Variants in CNTNAP2 observed in about 807,000 individuals in gnomAD.
The protein encoded by CNTNAP2 is contactin associated protein 2.
A neutral mutation model predicts 155.2 loss-of-function variants in CNTNAP2; 98 were observed. The ratio of observed to expected loss-of-function variants is 0.63; its 90% CI spans 0.54 to 0.75. The LOEUF is 0.75. CNTNAP2 is among the 30% of genes least tolerant of loss of function. The pLI, the probability that CNTNAP2 is intolerant of heterozygous loss-of-function variation, is 0.00. For missense variants in CNTNAP2, 1,727 were observed against 1,688.1 expected (o/e 1.02, Z -0.40); for synonymous variants, 651 against 631.2 (o/e 1.03, Z -0.47).
intron 1 of CNTNAP2, among the ~76,000 whole-genome samples, chr7:146,154,340 C>T (rs1361439431): frequency 6.6e-6 from 1 of 152,124 alleles, no homozygotes; most frequent in Non-Finnish European, 1.5e-5. Context: ...GCAAGACTTG[C>T]TATACCTAAT....
intron 1 of CNTNAP2, among the ~76,000 whole-genome samples, chr7:146,734,615 G>T (rs937074331): frequency 1.3e-5 from 2 of 152,104 alleles, no homozygotes; most frequent in East Asian, 3.9e-4. Flanking sequence ...TTAAAATGTG[G>T]TATGGTCTAA....
intron 4 of CNTNAP2, among the ~76,000 whole-genome samples, chr7:147,075,766 T>C (rs943196028): frequency 6.6e-6 from 1 of 152,134 alleles, no homozygotes; most frequent in African/African-American, 2.4e-5. Flanking sequence ...TATCTCCTAA[T>C]GCTATCCCTC....
chr7:146,203,372 A>G (rs1215832374), intron 1 of CNTNAP2, among the ~76,000 whole-genome samples: 2 of 152,198 alleles, frequency 1.3e-5, no homozygotes, highest in Admixed American at 1.3e-4. Context: ...AATTTATTAG[A>G]GCTGCTTACA....
At chr7:147,955,074 C>T (rs1231308829) in intron 14 of CNTNAP2, among the ~76,000 whole-genome samples, 1 of 152,182 alleles carries the variant, frequency 6.6e-6, no homozygotes, top group African/African-American at 2.4e-5. Flanking sequence ...GCAGAAAAGG[C>T]TTTCCAAGTT....
chr7:146,624,093 G>C (rs1042576061), intron 1 of CNTNAP2, among the ~76,000 whole-genome samples: 7 of 151,830 alleles, frequency 4.6e-5, no homozygotes, highest in African/African-American at 1.5e-4. Flanking sequence ...TTAATAAATA[G>C]CCCAATTTAG....
chr7:146,932,102 C>T (rs529724987), intron 3 of CNTNAP2, among the ~76,000 whole-genome samples: 1,535 of 151,960 alleles, frequency 0.01, 12 homozygotes, highest in South Asian at 0.02. Context: ...CCAGCATCAT[C>T]CTGATACCAA....
chr7:146,570,775 A>G (rs530600511), intron 1 of CNTNAP2, among the ~76,000 whole-genome samples: 3 of 152,140 alleles, frequency 2.0e-5, no homozygotes, highest in Admixed American at 2.0e-4. Context: ...AACAAAATGT[A>G]ATTTCCTATC....
At chr7:147,069,767 A>G (rs1424851542) in intron 4 of CNTNAP2, among the ~76,000 whole-genome samples, 2 of 152,220 alleles carry the variant, frequency 1.3e-5, no homozygotes, top group African/African-American at 2.4e-5. Context: ...GAGTTGTCCA[A>G]TAGAATTTTC....
intron 10 of CNTNAP2, among the ~76,000 whole-genome samples, chr7:147,472,434 A>C (rs1289976406): frequency 6.6e-6 from 1 of 151,800 alleles, no homozygotes; most frequent in African/African-American, 2.4e-5. Context: ...GCTGGTCTCA[A>C]ACTCCTGACT....
chr7:146,849,962 G>A (rs1381110083), intron 3 of CNTNAP2, among the ~76,000 whole-genome samples: 4 of 152,160 alleles, frequency 2.6e-5, no homozygotes, highest in African/African-American at 7.2e-5. Flanking sequence ...ACACCGTGAA[G>A]ATACCCATTC....
At chr7:147,637,564 C>T (rs1795201736) in intron 12 of CNTNAP2, among the ~76,000 whole-genome samples, 1 of 152,126 alleles carries the variant, frequency 6.6e-6, no homozygotes, top group East Asian at 1.9e-4. Context: ...TTCCTCTCTA[C>T]CCACTTCCTT....
rs149241297 is a variant in CNTNAP2, at chr7:147,240,300, G to T, written c.1349-59841G>T. Among the ~76,000 whole-genome samples the T allele has an allele frequency of 6.6e-3, 1,002 of 152,256 alleles. 11 individuals are homozygous for T. Among genetic ancestry groups the T allele is most frequent in the African/African-American group, 0.023 (935 of 41,544 alleles). ...TGATTGTGCCACCGCACTCCAGCTTGGGTGATAGATGGAGACCCTGTCTCT... is the reference window on the plus strand; with the variant it reads ...TGATTGTGCCACCGCACTCCAGCTTTGGTGATAGATGGAGACCCTGTCTCT... On this transcript the variant is annotated intron_variant, in intron 8 of 23. Coordinates refer to ENST00000361727, the MANE Select transcript of CNTNAP2 (RefSeq NM_014141.6).
At chr7:148,291,025 AT>A (rs1265098888) in intron 21 of CNTNAP2, among the ~76,000 whole-genome samples, 1 of 152,180 alleles carries the variant, frequency 6.6e-6, no homozygotes, top group Non-Finnish European at 1.5e-5. Context: ...TTTTCACAAA[AT>A]TGACCGGCGC....
intron 21 of CNTNAP2, among the ~76,000 whole-genome samples, chr7:148,297,710 T>G (rs147053794): frequency 3.0e-4 from 46 of 152,172 alleles, no homozygotes; most frequent in Non-Finnish European, 6.6e-4. Context: ...CTGTAGTTGG[T>G]AAAGAAGTAG....
At chr7:147,443,651 T>G (rs991996616) in intron 10 of CNTNAP2, among the ~76,000 whole-genome samples, 21 of 152,170 alleles carry the variant, frequency 1.4e-4, no homozygotes, top group African/African-American at 4.6e-4. Context: ...TTTTTAGCTC[T>G]TTTTAGATTC....
intron 13 of CNTNAP2, among the ~76,000 whole-genome samples, chr7:147,750,957 G>A (rs1051561407): frequency 2.0e-5 from 3 of 152,060 alleles, no homozygotes; most frequent in Non-Finnish European, 2.9e-5. Context: ...GCAGAATGGC[G>A]TGAACCCGAG....
At chr7:147,722,783 T>C (rs1329953068) in intron 13 of CNTNAP2, among the ~76,000 whole-genome samples, 1 of 152,072 alleles carries the variant, frequency 6.6e-6, no homozygotes, top group Non-Finnish European at 1.5e-5. Context: ...CTGCAACACC[T>C]GCTACTGTGT....
intron 13 of CNTNAP2, among the ~76,000 whole-genome samples, chr7:147,765,667 G>A (rs1201178956): frequency 6.6e-6 from 1 of 151,956 alleles, no homozygotes; most frequent in Non-Finnish European, 1.5e-5. Flanking sequence ...AACCATTTAT[G>A]ATTGCGTATA....
intron 18 of CNTNAP2, among the ~76,000 whole-genome samples, chr7:148,185,486 T>G (rs2116709207): frequency 6.6e-6 from 1 of 152,322 alleles, no homozygotes; most frequent in African/African-American, 2.4e-5. Flanking sequence ...ATCTAAAATT[T>G]TCCTCTTATC....
Sources: allele counts gnomAD v4.1 joint callset (sites outside exome capture counted in the v4.1 genomes callset), GRCh38; gene constraint gnomAD v4.1.1; transcripts MANE v1.5; gene names NCBI Gene and HGNC (gene_info 2026-07-23, HGNC 2026-07-21).